Variants in CTNNA2 observed in about 807,000 individuals in gnomAD.
CTNNA2 encodes catenin alpha-2.
A neutral mutation model predicts 101.0 loss-of-function variants in CTNNA2; 42 were observed. That is an observed-to-expected ratio of 0.42 (90% confidence interval 0.32 to 0.54). CTNNA2 has a LOEUF of 0.54. CTNNA2 is among the 20% of genes least tolerant of loss of function. The pLI, the probability that CTNNA2 is intolerant of heterozygous loss-of-function variation, is 0.14. For missense variants in CTNNA2, 871 were observed against 1,223.1 expected, an observed-to-expected ratio of 0.71 and a Z score of 4.29; for synonymous variants, 450 against 456.4, an observed-to-expected ratio of 0.99 and a Z score of 0.18.
chr2:80,060,138 T>C (rs1291355437), intron 7 of CTNNA2, among the ~76,000 whole-genome samples: 1 of 152,196 alleles, frequency 6.6e-6, no homozygotes, highest in Non-Finnish European at 1.5e-5. Context: ...ATATATTTGC[T>C]TCTGTCTGGT....
chr2:79,899,175 G>GT (rs529522389), intron 6 of CTNNA2, among the ~76,000 whole-genome samples: 5,789 of 151,730 alleles, frequency 0.038, 153 homozygotes, highest in Non-Finnish European at 0.055. Context: ...TAACATGACT[G>GT]TTTTTTTTCA....
chr2:80,302,043 G>C lies in CTNNA2; in HGVS notation c.1057-91168G>C, dbSNP rs1356483419. The C allele has an allele frequency of 1.7e-6, 1 of 594,328 alleles. No homozygotes were observed. The highest frequency in any genetic ancestry group is 2.8e-6 in the Non-Finnish European group (1 of 352,266). 36.8% of individuals were successfully genotyped at this position (594,328 alleles called of 1,614,324 possible). On this transcript the variant is annotated intron_variant, in intron 7 of 18. Transcript: ENST00000402739. This position sits in a 1 kb window ranked among gnomAD's most constrained non-coding sequence, Gnocchi z 6.4. ...AGATAGACTGTCCTGAAGGTTGTGG[G>C]GTGGGGTTTTTTGTTGTGTTTTAAT...
intron 7 of CTNNA2, among the ~76,000 whole-genome samples, chr2:79,932,722 G>C (rs552834133): frequency 2.4e-3 from 372 of 152,116 alleles, no homozygotes; most frequent in African/African-American, 8.3e-3. Flanking sequence ...TTTTAACAAG[G>C]CCTATTTTTA....
At chr2:79,733,546 T>TA (rs1382306692) in intron 2 of CTNNA2, among the ~76,000 whole-genome samples, 1 of 151,906 alleles carries the variant, frequency 6.6e-6, no homozygotes, top group African/African-American at 2.4e-5. Flanking sequence ...TAAACCCACT[T>TA]ACCAGGCACG....
chr2:80,154,507 G>A (rs544280592), intron 7 of CTNNA2, among the ~76,000 whole-genome samples: 1 of 152,242 alleles, frequency 6.6e-6, no homozygotes, highest in East Asian at 1.9e-4. Context: ...GGGGTAGGGA[G>A]CCTGAAAACA....
chr2:80,506,019 C>A (rs1003259079), intron 9 of CTNNA2, among the ~76,000 whole-genome samples: 1 of 152,154 alleles, frequency 6.6e-6, no homozygotes, highest in Non-Finnish European at 1.5e-5. Flanking sequence ...AAAAAAGTTA[C>A]AACAACATCA....
At chr2:80,251,078 G>T (rs909666558) in intron 7 of CTNNA2, among the ~76,000 whole-genome samples, 1 of 152,082 alleles carries the variant, frequency 6.6e-6, no homozygotes, top group South Asian at 2.1e-4. Context: ...TTTTAGTCAT[G>T]AGTGATTAGT....
chr2:80,391,593 C>T (rs1434720764), intron 7 of CTNNA2, among the ~76,000 whole-genome samples: 3 of 152,170 alleles, frequency 2.0e-5, no homozygotes, highest in African/African-American at 7.2e-5. Context: ...ATTTTGATGG[C>T]AGACAACCTA....
chr2:80,585,966 CT>C (rs1238073120), intron 14 of CTNNA2, among the ~76,000 whole-genome samples: 1 of 152,130 alleles, frequency 6.6e-6, no homozygotes, highest in African/African-American at 2.4e-5. Context: ...TCGAGCACCC[CT>C]AGAGTCAAAA....
intron 1 of CTNNA2, among the ~76,000 whole-genome samples, chr2:79,616,472 C>T (rs1678628588): frequency 6.6e-6 from 1 of 152,094 alleles, no homozygotes; most frequent in South Asian, 2.1e-4. Context: ...GAGCTTATCA[C>T]AGCAAGCATA....
chr2:79,236,480 T>A (rs1270461687), intron 2 of CTNNA2, among the ~76,000 whole-genome samples: 3 of 152,238 alleles, frequency 2.0e-5, no homozygotes, highest in Non-Finnish European at 4.4e-5. Flanking sequence ...TGTCGATGGC[T>A]GCTGATTGAT....
chr2:79,384,379 TCTCTCTC>T (rs1678073984), intron 4 of CTNNA2, among the ~76,000 whole-genome samples: 1 of 892 alleles, frequency 1.1e-3, no homozygotes, highest in Non-Finnish European at 4.9e-3. Context: ...ATATTTCTTC[TCTCTCTC>T]TCTCTCTCTC....
At chr2:80,284,142 T>C (rs77667522) in intron 7 of CTNNA2, among the ~76,000 whole-genome samples, 57 of 152,260 alleles carry the variant, frequency 3.7e-4, no homozygotes, top group African/African-American at 1.3e-3. Flanking sequence ...TATTTTAATG[T>C]CTTAATACAG....
At position 79,658,093 on chromosome 2, in the gene CTNNA2, G is replaced by T. The variant is rs76363067; in HGVS notation, c.102+6435G>T. 3.5e-3 allele frequency among the ~76,000 whole-genome samples: 533 copies of T among 151,872 alleles called. 11 individuals are homozygous for T. In the East Asian group the frequency reaches 0.048, roughly 14 times the overall value. On this transcript the variant is annotated intron_variant, in intron 2 of 18. Coordinates refer to ENST00000402739, the MANE Select transcript of CTNNA2 (RefSeq NM_001282597.3). ...AAAACAAAGATATTTCTTTATAATT[G>T]AAAAATTATAAGGTCAATTATTTTT...
chr2:79,732,177 T>C (rs1687240724), intron 2 of CTNNA2, among the ~76,000 whole-genome samples: 1 of 152,066 alleles, frequency 6.6e-6, no homozygotes, highest in South Asian at 2.1e-4. Context: ...AAGTTTGAAA[T>C]CTGACGTGAA....
intron 7 of CTNNA2, among the ~76,000 whole-genome samples, chr2:79,921,383 A>G (rs920719645): frequency 1.3e-5 from 2 of 152,198 alleles, no homozygotes; most frequent in Non-Finnish European, 2.9e-5. Context: ...TGGGCTATAT[A>G]TTAGTCAGCC....
intron 2 of CTNNA2, among the ~76,000 whole-genome samples, chr2:79,206,991 A>C (rs1012431731): frequency 6.6e-6 from 1 of 152,130 alleles, no homozygotes; most frequent in Non-Finnish European, 1.5e-5. Context: ...TGACAGTATC[A>C]CATCTCTTCC....
At chr2:79,390,184 C>A (rs1255729208) in intron 4 of CTNNA2, among the ~76,000 whole-genome samples, 1 of 152,148 alleles carries the variant, frequency 6.6e-6, no homozygotes, top group Non-Finnish European at 1.5e-5. Flanking sequence ...TGATTCATCT[C>A]TTTTGGCAGC....
chr2:80,552,938 C>T (rs768275821), intron 11 of CTNNA2, among the ~76,000 whole-genome samples: 15 of 151,788 alleles, frequency 9.9e-5, no homozygotes, highest in Non-Finnish European at 1.6e-4. Context: ...TCAATTAGGC[C>T]GGGCCTAGTG....
Sources: gnomAD v4.1 joint callset for allele counts (sites outside exome capture counted in the v4.1 genomes callset) on GRCh38, gnomAD v4.1.1 for gene constraint, Gnocchi (gnomAD v3.1) non-coding constraint, MANE v1.5 for transcripts, NCBI Gene and HGNC (gene_info 2026-07-23, HGNC 2026-07-21) for gene names.